The following CADM2 variants were observed in gnomAD, a reference collection of about 807,000 sequenced individuals.
The protein encoded by CADM2 is immunoglobulin superfamily member 4D.
CADM2 carries 12 observed loss-of-function variants against 49.8 expected under a neutral mutation model. The observed-to-expected ratio is 0.24, with a 90% CI of 0.15 to 0.39. CADM2 has a LOEUF of 0.39. CADM2 is among the 10% of genes least tolerant of loss of function. The probability of loss-of-function intolerance (pLI) is 1.00; values close to 1 mark genes in which losing one functional copy is unlikely to be tolerated. For synonymous variants in CADM2, 214 were observed against 175.4 expected (o/e 1.22, Z -1.74); for missense variants, 378 against 492.3 (o/e 0.77, Z 2.20).
At chr3:86,005,748 T>A (rs1238240202) in intron 8 of CADM2, among the ~76,000 whole-genome samples, 2 of 152,162 alleles carry the variant, frequency 1.3e-5, no homozygotes, top group Admixed American at 1.3e-4. Flanking sequence ...TACTATTGAC[T>A]ATAGTCACAC....
At chr3:85,501,089 TACCA>T (rs1484758517) in intron 1 of CADM2, among the ~76,000 whole-genome samples, 1 of 152,204 alleles carries the variant, frequency 6.6e-6, no homozygotes, top group Non-Finnish European at 1.5e-5. Flanking sequence ...GTTTTCAGAT[TACCA>T]ACCAAAAATC....
At chr3:85,672,614 T>C (rs1332518205) in intron 1 of CADM2, among the ~76,000 whole-genome samples, 1 of 152,162 alleles carries the variant, frequency 6.6e-6, no homozygotes, top group East Asian at 1.9e-4. Flanking sequence ...AAAAATAAAC[T>C]ACATCCTTGA....
At chr3:86,039,917 C>G (rs1735650023) in intron 8 of CADM2, among the ~76,000 whole-genome samples, 1 of 152,206 alleles carries the variant, frequency 6.6e-6, no homozygotes, top group African/African-American at 2.4e-5. Flanking sequence ...GCAACATTTG[C>G]TGTTCACCAA....
chr3:85,144,716 G>A (rs990881224), intron 1 of CADM2, among the ~76,000 whole-genome samples: 4 of 152,064 alleles, frequency 2.6e-5, no homozygotes, highest in Admixed American at 6.6e-5. Flanking sequence ...TTGAGTATTG[G>A]TTTTGCTTGA....
intron 8 of CADM2, among the ~76,000 whole-genome samples, chr3:86,045,266 A>T (rs1272732422): frequency 6.6e-6 from 1 of 152,148 alleles, no homozygotes; most frequent in East Asian, 1.9e-4. Context: ...ACTTATTACC[A>T]TGGGAACTGT....
intron 1 of CADM2, among the ~76,000 whole-genome samples, chr3:85,121,881 CT>C (rs1199658551): frequency 1.3e-5 from 2 of 152,052 alleles, no homozygotes; most frequent in African/African-American, 4.8e-5. Context: ...ATTTAGTTTT[CT>C]TTTTCCCTCT....
chr3:85,493,346 C>T (rs900043629), intron 1 of CADM2, among the ~76,000 whole-genome samples: 10 of 152,052 alleles, frequency 6.6e-5, no homozygotes, highest in African/African-American at 2.4e-4. Context: ...TCTGACATAA[C>T]TGTTAGCTGT....
intron 1 of CADM2, among the ~76,000 whole-genome samples, chr3:85,071,595 G>A (rs376529620): frequency 6.6e-6 from 1 of 152,094 alleles, no homozygotes; most frequent in African/African-American, 2.4e-5. Flanking sequence ...TACCTCATAG[G>A]TGGTCTTGAG....
At chr3:86,054,048 G>A (rs530768121) in intron 8 of CADM2, among the ~76,000 whole-genome samples, 1 of 152,016 alleles carries the variant, frequency 6.6e-6, no homozygotes, top group African/African-American at 2.4e-5. Flanking sequence ...TAAAGGACCA[G>A]TAACAGCAAG....
intron 2 of CADM2, among the ~76,000 whole-genome samples, chr3:85,783,329 A>G (rs1308620239): frequency 6.6e-6 from 1 of 152,226 alleles, no homozygotes; most frequent in Non-Finnish European, 1.5e-5. Flanking sequence ...CAAACCACTG[A>G]TGAGCACTAT....
chr3:85,591,665 C>G (rs9826458), intron 1 of CADM2, among the ~76,000 whole-genome samples: 25,656 of 151,936 alleles, frequency 0.17, 2,687 homozygotes, highest in Non-Finnish European at 0.23. Flanking sequence ...AAGGCAGTGG[C>G]AAGCTAACTT....
At chr3:85,954,829 A>C (rs886893536) in intron 7 of CADM2, among the ~76,000 whole-genome samples, 4 of 151,270 alleles carry the variant, frequency 2.6e-5, no homozygotes, top group African/African-American at 9.7e-5. Flanking sequence ...CTCTTACTAT[A>C]ATTTCTTAAT....
chr3:85,679,431 C>A (rs1177830616), intron 1 of CADM2, among the ~76,000 whole-genome samples: 1 of 152,050 alleles, frequency 6.6e-6, no homozygotes, highest in African/African-American at 2.4e-5. Context: ...TAAGTCTTTT[C>A]TCTATAATAA....
intron 8 of CADM2, among the ~76,000 whole-genome samples, chr3:85,972,780 C>T (rs537036307): frequency 3.3e-5 from 5 of 151,744 alleles, no homozygotes; most frequent in Admixed American, 6.6e-5. Context: ...TTGTATACAG[C>T]GCTTGTTGGA....
intron 1 of CADM2, among the ~76,000 whole-genome samples, chr3:85,299,897 T>A (rs866023338): frequency 1.3e-5 from 2 of 151,916 alleles, no homozygotes; most frequent in South Asian, 2.1e-4. Flanking sequence ...GGTAAAAGTA[T>A]TTTTTTTCTT....
intron 6 of CADM2, among the ~76,000 whole-genome samples, chr3:85,919,773 T>A (rs2108500662): frequency 6.6e-6 from 1 of 152,046 alleles, no homozygotes; most frequent in East Asian, 1.9e-4. Context: ...CCCTGTACTT[T>A]TTTGTTACTT....
intron 2 of CADM2, among the ~76,000 whole-genome samples, chr3:85,779,371 T>C (rs1488591781): frequency 6.6e-6 from 1 of 152,194 alleles, no homozygotes; most frequent in Non-Finnish European, 1.5e-5. Flanking sequence ...ATTATTCTGT[T>C]CTCATGCTGC....
At chr3:85,251,740 T>C (rs2042778654) in intron 1 of CADM2, among the ~76,000 whole-genome samples, 1 of 152,022 alleles carries the variant, frequency 6.6e-6, no homozygotes, top group African/African-American at 2.4e-5. Context: ...CATATTTTTC[T>C]ACTCAGGCAG....
intron 2 of CADM2, among the ~76,000 whole-genome samples, chr3:85,738,135 CAG>C (rs2068223313): frequency 6.8e-6 from 1 of 147,748 alleles, no homozygotes; most frequent in African/African-American, 2.6e-5. Flanking sequence ...GCTGCTTACC[CAG>C]AGTTTGAGAA....
Sources: gnomAD v4.1 joint callset for allele counts (sites outside exome capture counted in the v4.1 genomes callset) on GRCh38, gnomAD v4.1.1 for gene constraint, MANE v1.5 for transcripts, NCBI Gene and HGNC (gene_info 2026-07-23, HGNC 2026-07-21) for gene names.